Variants in EFNA5 observed in about 807,000 individuals in gnomAD.
EFNA5 encodes ephrin-A5.
EFNA5 carries 5 observed loss-of-function variants against 22.9 expected under a neutral mutation model. The observed-to-expected ratio is 0.22, with a 90% confidence interval of 0.11 to 0.46. The LOEUF is 0.46. EFNA5 is among the 20% of genes least tolerant of loss of function. The pLI is 0.99. For synonymous variants in EFNA5, 113 were observed against 112.2 expected, an observed-to-expected ratio of 1.01 and a Z score of -0.04; for missense variants, 237 against 293.3, an observed-to-expected ratio of 0.81 and a Z score of 1.40.
intron 1 of EFNA5, among the ~76,000 whole-genome samples, chr5:107,511,812 CT>C (rs1447832424): frequency 8.0e-6 from 1 of 125,040 alleles, no homozygotes; most frequent in African/African-American, 3.3e-5. Context: ...TAAAAAAAAC[CT>C]GACTAATAAT....
At chr5:107,592,022 TATATATTA>T (rs1749376850) in intron 1 of EFNA5, among the ~76,000 whole-genome samples, 4 of 50,232 alleles carry the variant, frequency 8.0e-5, no homozygotes, top group Non-Finnish European at 1.4e-4. Flanking sequence ...TATAATATAA[TATATATTA>T]TATATTATAT....
chr5:107,538,363 CA>C (rs1173442638), intron 1 of EFNA5, among the ~76,000 whole-genome samples: 3 of 152,192 alleles, frequency 2.0e-5, no homozygotes, highest in African/African-American at 7.2e-5. Flanking sequence ...CTATTATGTG[CA>C]AAGTACTATG....
chr5:107,657,450 C>T (rs1750854068), intron 1 of EFNA5, among the ~76,000 whole-genome samples: 1 of 152,016 alleles, frequency 6.6e-6, no homozygotes, highest in African/African-American at 2.4e-5. Flanking sequence ...TCGTTTACAC[C>T]ACAGTGAACA....
In EFNA5 at chr5:107,670,788, A is replaced by T; in HGVS notation, c.-175T>A. 2 of 825,062 alleles carry T rather than the reference A, an allele frequency of 2.4e-6. No individual in the cohort carries two copies. Among genetic ancestry groups the T allele is most frequent in the Non-Finnish European group, 3.7e-6 (2 of 542,634 alleles). 51.1% of individuals were successfully genotyped at this position (825,062 alleles called of 1,614,324 possible). On this transcript the variant is annotated 5_prime_UTR_variant, in exon 1 of 5. Transcript: ENST00000333274. The stretch of plus-strand genomic sequence containing the variant: ...GGCGCCCACCAAGCTGGGGAGGGGT[A>T]GGAGAGCGAGAAGAAAAGAAGGCGG...
In EFNA5 at chr5:107,580,520, C is replaced by T. The variant is rs866228048; in HGVS notation, c.125+89969G>A. 8.1e-4 allele frequency among the ~76,000 whole-genome samples: 123 copies of T among 151,946 alleles called. 1 individual carries two copies. Among genetic ancestry groups the T allele is most frequent in the African/African-American group, 2.8e-3 (117 of 41,480 alleles). The stretch of plus-strand genomic sequence containing the variant: ...CAGGCAGATCATGAGGTCAGGAGAT[C>T]GAGACCATCCTGGCTAACACGGTGA... On this transcript the variant is annotated intron_variant, in intron 1 of 4. Coordinates refer to ENST00000333274, the MANE Select transcript of EFNA5 (RefSeq NM_001962.3).
intron 1 of EFNA5, among the ~76,000 whole-genome samples, chr5:107,582,098 T>G (rs1225468688): frequency 6.6e-6 from 1 of 152,052 alleles, no homozygotes; most frequent in Non-Finnish European, 1.5e-5. Context: ...GAAAGATGAG[T>G]GTAACAAAAA....
intron 1 of EFNA5, among the ~76,000 whole-genome samples, chr5:107,443,093 A>G (rs914621948): frequency 6.6e-6 from 1 of 152,088 alleles, no homozygotes; most frequent in African/African-American, 2.4e-5. Flanking sequence ...GAAAAGTACC[A>G]TTATGAAACC....
At position 107,457,932 on chromosome 5, in the gene EFNA5, T is replaced by G. The variant is rs553344464; in HGVS notation, c.126-30423A>C. On this transcript the variant is annotated intron_variant, in intron 1 of 4. Coordinates refer to ENST00000333274, the MANE Select transcript of EFNA5 (RefSeq NM_001962.3). ...ACTCTAAGAAGTGGGTGTTGTTATT[T>G]TCATTTTGCAGATGTAGTAACAGAC... Among the ~76,000 whole-genome samples, 3 of 152,306 alleles carry G rather than the reference T, an allele frequency of 2.0e-5. No homozygotes were observed. In the East Asian group the frequency reaches 5.8e-4, roughly 29 times the overall value.
chr5:107,655,887 C>T (rs1750810144), intron 1 of EFNA5, among the ~76,000 whole-genome samples: 1 of 152,138 alleles, frequency 6.6e-6, no homozygotes, highest in African/African-American at 2.4e-5. Flanking sequence ...ATACCTCTAA[C>T]ATCAATGTGT....
intron 1 of EFNA5, among the ~76,000 whole-genome samples, chr5:107,593,413 G>C (rs1228916687): frequency 6.6e-6 from 1 of 152,176 alleles, no homozygotes. Flanking sequence ...TAACGTGGTC[G>C]ATAATGCCAA....
intron 1 of EFNA5, among the ~76,000 whole-genome samples, chr5:107,477,731 G>T (rs1259790303): frequency 6.6e-6 from 1 of 152,046 alleles, no homozygotes; most frequent in African/African-American, 2.4e-5. Flanking sequence ...TTTACAGGGT[G>T]GCTCTTATGT....
At chr5:107,513,417 T>C (rs940071730) in intron 1 of EFNA5, among the ~76,000 whole-genome samples, 7 of 152,150 alleles carry the variant, frequency 4.6e-5, no homozygotes, top group African/African-American at 1.7e-4. Context: ...TTTCAGAGCA[T>C]GTCAGGAATG....
At chr5:107,472,752 T>C (rs1329906880) in intron 1 of EFNA5, among the ~76,000 whole-genome samples, 13 of 152,190 alleles carry the variant, frequency 8.5e-5, no homozygotes, top group Admixed American at 8.5e-4. Flanking sequence ...CTCTGGCAGC[T>C]TATTTGCACC....
chr5:107,492,402 A>T (rs1580491150), intron 1 of EFNA5, among the ~76,000 whole-genome samples: 1 of 152,224 alleles, frequency 6.6e-6, no homozygotes, highest in South Asian at 2.1e-4. Flanking sequence ...ACCTACTTTG[A>T]CATTATAAAA....
At chr5:107,617,235 CACAG>C (rs1413693871) in intron 1 of EFNA5, among the ~76,000 whole-genome samples, 98 of 148,522 alleles carry the variant, frequency 6.6e-4, no homozygotes, top group South Asian at 2.3e-3. Context: ...CACACACACA[CACAG>C]AGAGAGAGAG....
chr5:107,480,818 G>T (rs1750438262), intron 1 of EFNA5, among the ~76,000 whole-genome samples: 1 of 152,186 alleles, frequency 6.6e-6, no homozygotes, highest in Admixed American at 6.5e-5. Flanking sequence ...CAAGTGGAAG[G>T]AACGAGCAAT....
At chr5:107,467,386 G>A (rs564668838) in intron 1 of EFNA5, among the ~76,000 whole-genome samples, 1 of 152,214 alleles carries the variant, frequency 6.6e-6, no homozygotes, top group East Asian at 1.9e-4. Context: ...CTCTAGCACT[G>A]GCTAATCTCT....
intron 1 of EFNA5, among the ~76,000 whole-genome samples, chr5:107,511,364 T>C (rs185222689): frequency 1.3e-5 from 2 of 152,092 alleles, no homozygotes; most frequent in Admixed American, 1.3e-4. Context: ...CCCACGAAGT[T>C]TGAAAAGATG....
intron 1 of EFNA5, among the ~76,000 whole-genome samples, chr5:107,630,270 C>T (rs549917179): frequency 6.6e-6 from 1 of 152,176 alleles, no homozygotes; most frequent in South Asian, 2.1e-4. Flanking sequence ...TCTGAGAAAT[C>T]ATTAGGTGAT....
Sources: gnomAD v4.1 joint callset for allele counts (sites outside exome capture counted in the v4.1 genomes callset) on GRCh38, gnomAD v4.1.1 for gene constraint, MANE v1.5 for transcripts, NCBI Gene and HGNC (gene_info 2026-07-23, HGNC 2026-07-21) for gene names.